The following SINHCAF variants were observed in gnomAD, a reference collection of about 807,000 sequenced individuals.
SINHCAF encodes SIN3-HDAC complex-associated factor.
A neutral mutation model predicts 25.8 loss-of-function variants in SINHCAF; 3 were observed. The observed-to-expected ratio is 0.12, with a 90% CI of 0.05 to 0.30. SINHCAF has a LOEUF of 0.30. Ranked by LOEUF, SINHCAF falls within the 10% of genes least tolerant of loss-of-function variation. SINHCAF has a pLI of 1.00. For synonymous variants in SINHCAF, 70 were observed against 85.5 expected (o/e 0.82, Z 1.00); for missense variants, 121 against 262.3 (o/e 0.46, Z 3.72).
chr12:31,324,786 C>G lies in SINHCAF; in HGVS notation c.-21+1238G>C. On this transcript the variant is annotated intron_variant, in intron 1 of 5. Coordinates refer to ENST00000337682, the MANE Select transcript of SINHCAF (RefSeq NM_001135812.2). The surrounding 1 kb of genome is among the most constrained non-coding windows in gnomAD (Gnocchi z 5.5). ...GCGCCCCGAAGAGTCCGGAGCCTGG[C>G]CCCCCGACCCTCCCCTCGGGAGCAG... is the stretch of plus-strand genomic sequence containing the variant. 2.8e-6 allele frequency: 1 copy of G among 360,020 alleles called. No homozygotes were observed. Among genetic ancestry groups the G allele is most frequent in the Non-Finnish European group, 5.6e-6 (1 of 179,870 alleles). The allele number at this position is 360,020 out of a possible 1,614,324, so 22.3% of individuals were successfully genotyped here.
chr12:31,303,101 T>C (rs1938874020), intron 1 of SINHCAF: 1 of 985,284 alleles, frequency 1.0e-6, no homozygotes, highest in Non-Finnish European at 1.2e-6. Context: ...GGGGTTACAG[T>C]TAAAACATGC....
chr12:31,309,361 T>C (rs995941344), intron 1 of SINHCAF, among the ~76,000 whole-genome samples: 4 of 152,106 alleles, frequency 2.6e-5, no homozygotes, highest in Non-Finnish European at 5.9e-5. Context: ...AATCTCATGA[T>C]TGGGGCAACT....
chr12:31,282,692 C>A lies in SINHCAF; in HGVS notation c.*20G>T. On this transcript the variant is annotated 3_prime_UTR_variant, in exon 6 of 6. Transcript: ENST00000337682. The stretch of plus-strand genomic sequence containing the variant: ...TTCAGATATTTTTTTTTTTGTTCCC[C>A]TTCTACATAAAAACCTCAGTCACCA... The A allele has an allele frequency of 2.0e-6, 3 of 1,525,176 alleles. No homozygotes were observed. The South Asian group carries it at 3.7e-5, about 19-fold the overall frequency. 94.5% of individuals were successfully genotyped at this position (1,525,176 alleles called of 1,614,324 possible). A position where few individuals can be genotyped will look rare whatever the true frequency, so the allele number is the denominator to read the frequency against.
chr12:31,305,014 G>C (rs929500684), intron 1 of SINHCAF: 2 of 152,232 alleles, frequency 1.3e-5, no homozygotes, highest in Non-Finnish European at 2.9e-5. Context: ...TCAATTAGCT[G>C]TCCACTCAGA....
At position 31,324,090 on chromosome 12, in the gene SINHCAF, G is replaced by C. The variant is rs777765847; in HGVS notation, c.-21+1934C>G. The C allele has an allele frequency of 4.4e-6, 2 of 453,864 alleles. No homozygotes were observed. Among genetic ancestry groups the C allele is most frequent in the South Asian group, 3.1e-5 (2 of 64,458 alleles). The allele number at this position is 453,864 out of a possible 1,614,324, so 28.1% of individuals were successfully genotyped here. ...AAAGTTCCTGCGGGGGCCGCTCGCC[G>C]GGGCGAGGGCGAGGGCAGCGGGAGG... On this transcript the variant is annotated intron_variant, in intron 1 of 5. Transcript: ENST00000337682. The surrounding 1 kb of genome is among the most constrained non-coding windows in gnomAD (Gnocchi z 5.5).
At chr12:31,296,024 ATTT>A (rs200012658) in intron 2 of SINHCAF, among the ~76,000 whole-genome samples, 1 of 149,980 alleles carries the variant, frequency 6.7e-6, no homozygotes, top group Non-Finnish European at 1.5e-5. Context: ...CTACTTTAAA[ATTT>A]TTTTTTTTAA....
rs138251977 is a variant in SINHCAF at position 31,309,630 on chromosome 12, G to A, written c.-20-11406C>T. Among the ~76,000 whole-genome samples the A allele has an allele frequency of 2.7e-3, 400 of 150,784 alleles. 2 individuals carry two copies. The Middle Eastern group carries it at 0.035, about 13-fold the overall frequency. On this transcript the variant is annotated intron_variant, in intron 1 of 5. Coordinates refer to ENST00000337682, the MANE Select transcript of SINHCAF (RefSeq NM_001135812.2). Reference sequence around the variant, plus strand: ...TGTTTTCTCATTTTCCCAATCACATGAAGGTGTCTTTACACCACTAACATC... The same window carrying A: ...TGTTTTCTCATTTTCCCAATCACATAAAGGTGTCTTTACACCACTAACATC...
At position 31,294,830 on chromosome 12, in the gene SINHCAF, T is replaced by A. The variant is rs1292906161; in HGVS notation, c.228+404A>T. Among the ~76,000 whole-genome samples, 3 of 152,276 alleles carry A rather than the reference T, an allele frequency of 2.0e-5. No homozygotes were observed. In the East Asian group the frequency reaches 5.8e-4, roughly 29 times the overall value. ...ATATAACCTGCCCAAAATCCACAAC[T>A]AGTAAGTGGTAAAGGCAAAATTCAA... On this transcript the variant is annotated intron_variant, in intron 3 of 5. Coordinates refer to ENST00000337682, the MANE Select transcript of SINHCAF (RefSeq NM_001135812.2).
At chr12:31,312,369 T>A (rs1939307147) in intron 1 of SINHCAF, among the ~76,000 whole-genome samples, 1 of 147,648 alleles carries the variant, frequency 6.8e-6, no homozygotes, top group South Asian at 2.1e-4. Context: ...TGTGTGTGTG[T>A]GTGTGAGTGT....
At chr12:31,302,951 A>G in intron 1 of SINHCAF, 1 of 985,430 alleles carries the variant, frequency 1.0e-6, no homozygotes, top group Non-Finnish European at 1.2e-6. Context: ...CCATATGTCC[A>G]AACTGCAGCC....
At chr12:31,315,890 G>T (rs1262809482) in intron 1 of SINHCAF, among the ~76,000 whole-genome samples, 2 of 152,192 alleles carry the variant, frequency 1.3e-5, no homozygotes, top group Non-Finnish European at 2.9e-5. Context: ...CCATGGCCGG[G>T]CGTGGTGGCT....
At chr12:31,291,899 C>T (rs1042453670) in intron 4 of SINHCAF, among the ~76,000 whole-genome samples, 1 of 152,186 alleles carries the variant, frequency 6.6e-6, no homozygotes, top group African/African-American at 2.4e-5. Flanking sequence ...ACATGTTTCC[C>T]AACTGCTTCA....
chr12:31,301,278 T>C (rs1938781482), intron 1 of SINHCAF, among the ~76,000 whole-genome samples: 1 of 152,194 alleles, frequency 6.6e-6, no homozygotes, highest in African/African-American at 2.4e-5. Context: ...AGCAAGACAT[T>C]CCAGTCATAA....
intron 1 of SINHCAF, chr12:31,303,894 G>A (rs919959255): frequency 1.3e-5 from 2 of 152,158 alleles, no homozygotes; most frequent in African/African-American, 4.8e-5. Flanking sequence ...TGTGCCTCTT[G>A]TAACCATTTA....
At chr12:31,310,714 T>C (rs1205703415) in intron 1 of SINHCAF, among the ~76,000 whole-genome samples, 1 of 152,166 alleles carries the variant, frequency 6.6e-6, no homozygotes, top group Non-Finnish European at 1.5e-5. Context: ...CCAAATTGTT[T>C]GGGAAATTTT....
rs573028690 is a variant in SINHCAF at position 31,314,515 on chromosome 12, G to A, written c.-21+11509C>T. ...CACTCCAGCCTGGGCAACAGAGCGA[G>A]ACTCCGTCTCAAAAAAAAAAGAAAG... On this transcript the variant is annotated intron_variant, in intron 1 of 5. Coordinates refer to ENST00000337682, the MANE Select transcript of SINHCAF (RefSeq NM_001135812.2). 1.3e-4 allele frequency among the ~76,000 whole-genome samples: 19 copies of A among 151,598 alleles called. No homozygotes were observed. In the East Asian group the frequency reaches 2.6e-3, roughly 21 times the overall value.
At chr12:31,310,229 G>A (rs76601572) in intron 1 of SINHCAF, among the ~76,000 whole-genome samples, 2,653 of 152,188 alleles carry the variant, frequency 0.017, 49 homozygotes, top group African/African-American at 0.043. Context: ...AGCAAGGGAT[G>A]GGTTTATTAG....
chr12:31,310,244 A>G (rs1365880089), intron 1 of SINHCAF, among the ~76,000 whole-genome samples: 1 of 152,146 alleles, frequency 6.6e-6, no homozygotes, highest in Non-Finnish European at 1.5e-5. Context: ...TATTAGGTAT[A>G]CCCACCATGT....
At chr12:31,293,033 T>C (rs1276632794) in intron 4 of SINHCAF, among the ~76,000 whole-genome samples, 1 of 152,236 alleles carries the variant, frequency 6.6e-6, no homozygotes, top group Non-Finnish European at 1.5e-5. Flanking sequence ...AAACTATGAC[T>C]ATAAGCAGAC....
Sources: gnomAD v4.1 joint callset for allele counts (sites outside exome capture counted in the v4.1 genomes callset) on GRCh38, gnomAD v4.1.1 for gene constraint, Gnocchi (gnomAD v3.1) non-coding constraint, MANE v1.5 for transcripts, NCBI Gene and HGNC (gene_info 2026-07-23, HGNC 2026-07-21) for gene names.